Variants in DRC11 observed in about 807,000 individuals in gnomAD.
The protein encoded by DRC11 is IQ and AAA domain-containing protein 1.
the DRC11 span, among the ~76,000 whole-genome samples, chr2:236,480,403 T>C: frequency 3.9e-5 from 6 of 152,198 alleles, no homozygotes; most frequent in Non-Finnish European, 8.8e-5. Context: ...CTATATATTG[T>C]AGGTATTCTT....
chr2:236,323,934 T>G, the DRC11 span, among the ~76,000 whole-genome samples: 2 of 150,262 alleles, frequency 1.3e-5, no homozygotes, highest in Non-Finnish European at 2.9e-5. This position sits in a 1 kb window ranked among gnomAD's most constrained non-coding sequence, Gnocchi z 6.4. Flanking sequence ...TTCCCTTCTC[T>G]GCATTTACCC....
the DRC11 span, among the ~76,000 whole-genome samples, chr2:236,481,386 TG>T: frequency 6.6e-6 from 1 of 152,140 alleles, no homozygotes; most frequent in Non-Finnish European, 1.5e-5. Flanking sequence ...ATGAGGTGCC[TG>T]GCAGATTGCG....
the DRC11 span, among the ~76,000 whole-genome samples, chr2:236,319,142 A>G: frequency 9.7e-3 from 1,470 of 152,286 alleles, 83 homozygotes; most frequent in East Asian, 0.14. The surrounding 1 kb of genome is among the most constrained non-coding windows in gnomAD (Gnocchi z 6.7). Flanking sequence ...CGCAGCCTGC[A>G]CTTCCATTCC....
At chr2:236,347,438 G>C in the DRC11 span, among the ~76,000 whole-genome samples, 1 of 150,640 alleles carries the variant, frequency 6.6e-6, no homozygotes, top group Non-Finnish European at 1.5e-5. Flanking sequence ...TGCACATGCA[G>C]CACAATGCAC....
At chr2:236,329,729 G>A in the DRC11 span, among the ~76,000 whole-genome samples, 1 of 152,236 alleles carries the variant, frequency 6.6e-6, no homozygotes, top group Admixed American at 6.5e-5. Context: ...ACAGGGCCAA[G>A]CACTGTTGCT....
the DRC11 span, among the ~76,000 whole-genome samples, chr2:236,317,227 CAG>C: frequency 6.6e-6 from 1 of 151,080 alleles, no homozygotes; most frequent in Non-Finnish European, 1.5e-5. The surrounding 1 kb of genome is among the most constrained non-coding windows in gnomAD (Gnocchi z 5.4). Flanking sequence ...ACCTGGGAGA[CAG>C]AGATTACAGT....
At chr2:236,399,531 G>T in the DRC11 span, 1 of 1,507,544 alleles carries the variant, frequency 6.6e-7, no homozygotes, top group Non-Finnish European at 9.2e-7. The surrounding 1 kb of genome is among the most constrained non-coding windows in gnomAD (Gnocchi z 7.0). Flanking sequence ...GGCAAGACCG[G>T]GCAGCAAAAG....
At chr2:236,414,706 C>T in the DRC11 span, among the ~76,000 whole-genome samples, 4 of 152,162 alleles carry the variant, frequency 2.6e-5, no homozygotes, top group African/African-American at 9.7e-5. Flanking sequence ...TTCTGTCTTT[C>T]AGTATCTCAG....
At chr2:236,322,929 CTT>C in the DRC11 span, among the ~76,000 whole-genome samples, 2 of 152,196 alleles carry the variant, frequency 1.3e-5, no homozygotes, top group African/African-American at 4.8e-5. Flanking sequence ...AGATCTAGAA[CTT>C]TTCCATCATT....
At chr2:236,443,616 T>C in the DRC11 span, among the ~76,000 whole-genome samples, 2 of 152,252 alleles carry the variant, frequency 1.3e-5, no homozygotes, top group African/African-American at 4.8e-5. This position sits in a 1 kb window ranked among gnomAD's most constrained non-coding sequence, Gnocchi z 4.4. Flanking sequence ...TTATCCAGTC[T>C]ATTATTGATG....
the DRC11 span, among the ~76,000 whole-genome samples, chr2:236,334,670 G>A: frequency 1.3e-4 from 20 of 152,210 alleles, no homozygotes; most frequent in African/African-American, 3.9e-4. The surrounding 1 kb of genome is among the most constrained non-coding windows in gnomAD (Gnocchi z 7.8). Flanking sequence ...CTTGGCTGGC[G>A]CTCGAGATGA....
chr2:236,378,963 T>C, the DRC11 span, among the ~76,000 whole-genome samples: 18 of 152,256 alleles, frequency 1.2e-4, no homozygotes, highest in East Asian at 3.3e-3. Context: ...CCTCCCCCTA[T>C]GGATGTCCCG....
At chr2:236,326,790 T>TG in the DRC11 span, among the ~76,000 whole-genome samples, 5 of 142,100 alleles carry the variant, frequency 3.5e-5, no homozygotes, top group African/African-American at 1.3e-4. Context: ...TTTTCAGATT[T>TG]GTTGTGTGTG....
At chr2:236,376,968 C>T in the DRC11 span, 1 of 610,866 alleles carries the variant, frequency 1.6e-6, no homozygotes, top group Admixed American at 2.8e-5. This position sits in a 1 kb window ranked among gnomAD's most constrained non-coding sequence, Gnocchi z 5.7. Flanking sequence ...ATCCAACAAA[C>T]ATTTACCAGG....
chr2:236,505,415 T>A, the DRC11 span, among the ~76,000 whole-genome samples: 1 of 152,198 alleles, frequency 6.6e-6, no homozygotes, highest in African/African-American at 2.4e-5. Context: ...ATACTCCCCC[T>A]GCCTTCTTGC....
chr2:236,342,372 C>T, the DRC11 span, among the ~76,000 whole-genome samples: 2 of 152,214 alleles, frequency 1.3e-5, no homozygotes, highest in Non-Finnish European at 2.9e-5. The surrounding 1 kb of genome is among the most constrained non-coding windows in gnomAD (Gnocchi z 5.8). Flanking sequence ...CTCCTGGGCT[C>T]CTCTCACCTG....
the DRC11 span, among the ~76,000 whole-genome samples, chr2:236,326,481 A>G: frequency 6.6e-6 from 1 of 152,134 alleles, no homozygotes. Context: ...TGTTTAGTTT[A>G]GAGTTCATAC....
chr2:236,459,897 A>AC, the DRC11 span, among the ~76,000 whole-genome samples: 1 of 151,996 alleles, frequency 6.6e-6, no homozygotes, highest in African/African-American at 2.4e-5. Context: ...TTAAAAAACA[A>AC]CCCCTTATGA....
chr2:236,342,751 T>C, the DRC11 span, among the ~76,000 whole-genome samples: 25,430 of 152,178 alleles, frequency 0.17, 2,469 homozygotes, highest in Non-Finnish European at 0.23. This position sits in a 1 kb window ranked among gnomAD's most constrained non-coding sequence, Gnocchi z 5.8. Flanking sequence ...ATGGCATTCA[T>C]GCCTCTTGCA....
Sources: gnomAD v4.1 joint callset for allele counts (sites outside exome capture counted in the v4.1 genomes callset) on GRCh38, gnomAD v4.1.1 for gene constraint, Gnocchi (gnomAD v3.1) non-coding constraint, MANE v1.5 for transcripts, NCBI Gene and HGNC (gene_info 2026-07-23, HGNC 2026-07-21) for gene names.